PRELID2: variants seen among roughly 807,000 people sequenced by gnomAD.
PRELID2 encodes the protein PRELI domain containing 2.
In PRELID2, 25 loss-of-function variants were observed where a neutral mutation model predicts 28.4. The ratio of observed to expected loss-of-function variants is 0.88; its 90% CI spans 0.64 to 1.23. The LOEUF (loss-of-function observed/expected upper bound fraction) is 1.23, where lower values mean the gene tolerates loss of function less well. Ranked by LOEUF, PRELID2 falls within the 50% of genes most tolerant of loss-of-function variation. The pLI, the probability that PRELID2 is intolerant of heterozygous loss-of-function variation, is 0.00. For missense variants in PRELID2, 201 were observed against 214.4 expected (o/e 0.94, Z 0.39); for synonymous variants, 76 against 71.6 (o/e 1.06, Z -0.31).
At chr5:145,768,223 CAAAAAAAA>C (rs35135521) in intron 5 of PRELID2, among the ~76,000 whole-genome samples, 1 of 80,754 alleles carries the variant, frequency 1.2e-5, no homozygotes, top group African/African-American at 4.5e-5. Context: ...GACTCTGTCT[CAAAAAAAA>C]AAAAAAAAAA....
chr5:145,271,964 T>C, the PRELID2 span, among the ~76,000 whole-genome samples: 2 of 152,148 alleles, frequency 1.3e-5, no homozygotes, highest in African/African-American at 4.8e-5. Flanking sequence ...CCCTGCAGAT[T>C]ACTTCTCTGA....
At chr5:145,667,172 T>C (rs372514257) in intron 1 of PRELID2, among the ~76,000 whole-genome samples, 2 of 152,038 alleles carry the variant, frequency 1.3e-5, no homozygotes, top group Admixed American at 1.3e-4. Context: ...TCTAAGAAGA[T>C]TGTATGAATA....
intron 1 of PRELID2, among the ~76,000 whole-genome samples, chr5:145,647,884 C>A (rs1041787618): frequency 2.6e-5 from 4 of 151,932 alleles, no homozygotes; most frequent in Non-Finnish European, 4.4e-5. Flanking sequence ...TCCAACAAGT[C>A]CCAATGAGAT....
intron 1 of PRELID2, among the ~76,000 whole-genome samples, chr5:145,699,015 C>T (rs955405393): frequency 4.6e-5 from 7 of 152,222 alleles, no homozygotes; most frequent in South Asian, 2.1e-4. Context: ...GCGTGAGCCA[C>T]CGCACCTGGC....
chr5:145,293,390 C>T, the PRELID2 span, among the ~76,000 whole-genome samples: 1 of 152,116 alleles, frequency 6.6e-6, no homozygotes, highest in South Asian at 2.1e-4. Context: ...ATGTGAAGTA[C>T]TTGGCATAAA....
the PRELID2 span, among the ~76,000 whole-genome samples, chr5:145,326,338 AT>A: frequency 6.6e-6 from 1 of 152,068 alleles, no homozygotes; most frequent in Non-Finnish European, 1.5e-5. Flanking sequence ...TCTCCCCCAA[AT>A]TGATCAACGT....
At chr5:145,634,488 C>T (rs1171396344) in intron 1 of PRELID2, among the ~76,000 whole-genome samples, 2 of 152,162 alleles carry the variant, frequency 1.3e-5, no homozygotes, top group Admixed American at 6.5e-5. Context: ...TTATAAGGTG[C>T]TATTTCTTCC....
intron 1 of PRELID2, among the ~76,000 whole-genome samples, chr5:145,634,381 T>C (rs73313734): frequency 0.035 from 5,331 of 152,230 alleles, 284 homozygotes; most frequent in African/African-American, 0.12. Context: ...TGTTCTATGA[T>C]CCCCTTGTCC....
chr5:145,506,418 G>T (rs2126637582), intron 1 of PRELID2, among the ~76,000 whole-genome samples: 1 of 152,262 alleles, frequency 6.6e-6, no homozygotes, highest in South Asian at 2.1e-4. Context: ...GCAAGGACCA[G>T]CTCTGCTTCA....
At chr5:145,384,905 C>T in the PRELID2 span, among the ~76,000 whole-genome samples, 1 of 152,270 alleles carries the variant, frequency 6.6e-6, no homozygotes, top group East Asian at 1.9e-4. Context: ...GATCCATTCA[C>T]CTCCCACCAG....
At chr5:145,506,602 A>G (rs1490821504) in intron 1 of PRELID2, among the ~76,000 whole-genome samples, 2 of 152,188 alleles carry the variant, frequency 1.3e-5, no homozygotes, top group Non-Finnish European at 2.9e-5. Context: ...AACCTTGAAG[A>G]ACTTCCCATT....
chr5:145,799,114 G>A (rs1171629303), intron 4 of PRELID2, among the ~76,000 whole-genome samples: 1 of 150,346 alleles, frequency 6.7e-6, no homozygotes, highest in Admixed American at 6.6e-5. Context: ...CTTGAAAGCA[G>A]TAAGAGAAAA....
At chr5:145,625,745 G>A (rs1053888818) in intron 1 of PRELID2, among the ~76,000 whole-genome samples, 2 of 152,082 alleles carry the variant, frequency 1.3e-5, no homozygotes, top group African/African-American at 4.8e-5. Flanking sequence ...GAAAACTGTG[G>A]TTACTGAAAA....
At chr5:145,831,041 T>C (rs984725111) in intron 1 of PRELID2, among the ~76,000 whole-genome samples, 4 of 151,480 alleles carry the variant, frequency 2.6e-5, no homozygotes, top group African/African-American at 9.8e-5. Flanking sequence ...TTCTGCCAAG[T>C]GCTTTCCTTT....
downstream of PRELID2, among the ~76,000 whole-genome samples, chr5:145,467,612 A>T (rs1305175194): frequency 1.3e-5 from 2 of 152,114 alleles, no homozygotes; most frequent in African/African-American, 2.4e-5. Context: ...TTTAGTCCTC[A>T]AGAAGGAAAC....
chr5:145,622,926 A>T (rs1581009171), intron 1 of PRELID2, among the ~76,000 whole-genome samples: 1 of 152,144 alleles, frequency 6.6e-6, no homozygotes, highest in Non-Finnish European at 1.5e-5. Context: ...ACATATAAAA[A>T]TTTATTTTAT....
At chr5:145,813,968 G>C (rs894404730) in intron 4 of PRELID2, among the ~76,000 whole-genome samples, 1 of 152,118 alleles carries the variant, frequency 6.6e-6, no homozygotes, top group Non-Finnish European at 1.5e-5. Flanking sequence ...GTTTGTAAGA[G>C]CAAAAACAAA....
At chr5:145,233,412 A>G in the PRELID2 span, among the ~76,000 whole-genome samples, 1 of 152,158 alleles carries the variant, frequency 6.6e-6, no homozygotes, top group Non-Finnish European at 1.5e-5. Flanking sequence ...CATTGTTTTC[A>G]GAGGAGAAAT....
the PRELID2 span, among the ~76,000 whole-genome samples, chr5:145,331,410 T>C: frequency 6.6e-6 from 1 of 152,292 alleles, no homozygotes; most frequent in Non-Finnish European, 1.5e-5. Context: ...AGTCTAAGTC[T>C]CTTTGTAGGC....
Sources: allele counts gnomAD v4.1 joint callset (sites outside exome capture counted in the v4.1 genomes callset), GRCh38; gene constraint gnomAD v4.1.1; transcripts MANE v1.5; gene names NCBI Gene and HGNC (gene_info 2026-07-23, HGNC 2026-07-21).